ABCC1: variants seen among roughly 807,000 people sequenced by gnomAD.
ABCC1 encodes ATP binding cassette subfamily C member 1 (ABCC1 blood group), also known as multidrug resistance-associated protein 1.
Under a neutral mutation model 172.9 loss-of-function variants are expected in ABCC1, and 83 were observed. The observed-to-expected ratio is 0.48, with a 90% CI of 0.40 to 0.58. The LOEUF (loss-of-function observed/expected upper bound fraction) is 0.58. ABCC1 is among the 20% of genes least tolerant of loss of function. The pLI is 0.00. For missense variants in ABCC1, 1,817 were observed against 2,002.7 expected, an observed-to-expected ratio of 0.91 and a Z score of 1.77; for synonymous variants, 937 against 825.2, an observed-to-expected ratio of 1.14 and a Z score of -2.32.
intron 1 of ABCC1, among the ~76,000 whole-genome samples, chr16:15,981,275 C>G (rs1345667735): frequency 1.3e-5 from 2 of 152,224 alleles, no homozygotes; most frequent in African/African-American, 4.8e-5. Context: ...TCTCACAGCT[C>G]CACTAGGCAG....
chr16:16,114,933 G>T lies in ABCC1; in HGVS notation c.3247G>T (p.Val1083Leu). ...CCGCTTCTCCAAGGAGCTGGACACA[G>T]TGGACTCCATGATCCCGGAGGTCAT... ...VNRFSKELDT[V>L]DSMIPEVIKM... Residue 1083 changes from valine to leucine, a missense_variant, in exon 23 of 31, where the codon GTG (valine) becomes TTG (leucine). This residue lies in a region of ABCC1 where 1,412 missense variants were observed against 1,600.3 expected (regional missense o/e 0.88). Transcript: ENST00000399410. 1 of 1,614,126 alleles carries T rather than the reference G, an allele frequency of 6.2e-7. No individual in the cohort carries two copies. Among genetic ancestry groups the T allele is most frequent in the Non-Finnish European group, 8.5e-7 (1 of 1,180,010 alleles).
chr16:16,046,137 C>T, intron 9 of ABCC1, 124 bp downstream of exon 9: 8 of 1,068,962 alleles, frequency 7.5e-6, no homozygotes, highest in Non-Finnish European at 1.1e-5. Flanking sequence ...ATGAGGGTAG[C>T]TTCCGTGACC....
chr16:16,026,153 C>G (rs755100920), intron 5 of ABCC1, among the ~76,000 whole-genome samples: 1 of 152,004 alleles, frequency 6.6e-6, no homozygotes, highest in African/African-American at 2.4e-5. Context: ...GTTTCCAGGC[C>G]GGGTGCAGTG....
chr16:16,065,693 A>G (rs1468472604), intron 12 of ABCC1, among the ~76,000 whole-genome samples: 1 of 152,146 alleles, frequency 6.6e-6, no homozygotes, highest in African/African-American at 2.4e-5. Flanking sequence ...TTGGCCTCCC[A>G]ACATGCTGGG....
intron 18 of ABCC1, 93 bp downstream of exon 18, chr16:16,087,084 G>A (rs1181159225): frequency 2.2e-6 from 3 of 1,387,052 alleles, no homozygotes; most frequent in Non-Finnish European, 2.0e-6. Context: ...TACTTTCTCT[G>A]GCTTTCTTTG....
chr16:16,106,132 C>T (rs1473025802), intron 20 of ABCC1, among the ~76,000 whole-genome samples: 6 of 152,050 alleles, frequency 3.9e-5, no homozygotes, highest in Admixed American at 3.9e-4. Context: ...CCACCTCGGC[C>T]TCCCAAAGTG....
At chr16:15,973,952 T>C (rs972576124) in intron 1 of ABCC1, among the ~76,000 whole-genome samples, 1 of 152,076 alleles carries the variant, frequency 6.6e-6, no homozygotes, top group Non-Finnish European at 1.5e-5. Flanking sequence ...ACCACCGTAT[T>C]CCAGCTTGGG....
chr16:16,025,116 G>A (rs1453254092), intron 5 of ABCC1, among the ~76,000 whole-genome samples: 2 of 152,194 alleles, frequency 1.3e-5, no homozygotes, highest in East Asian at 3.8e-4. Context: ...ATTTTGCACA[G>A]TTGGTAAGCA....
intron 15 of ABCC1, among the ~76,000 whole-genome samples, chr16:16,076,624 T>A (rs2050584621): frequency 1.3e-5 from 2 of 152,304 alleles, no homozygotes; most frequent in South Asian, 4.1e-4. Context: ...TCCCTGGGAT[T>A]GTAAGTTACA....
Position 16,136,642 on chromosome 16 carries a change from CAGGT to C in ABCC1, c.4292+2_4292+5del. On this transcript the variant is annotated splice_donor_variant and coding_sequence_variant, in exon 29 of 31. Coordinates refer to ENST00000399410, the MANE Select transcript of ABCC1 (RefSeq NM_004996.4). LOFTEE classifies it high-confidence loss of function. ...AATGTGCAGAAGGCGGGGAGAACCTCAGGTAGGCGGGGGTGAACAAGGAGACACC... is the reference window on the plus strand; with the variant it reads ...AATGTGCAGAAGGCGGGGAGAACCTCAGGCGGGGGTGAACAAGGAGACACC... The C allele has an allele frequency of 6.2e-7, 1 of 1,613,932 alleles. No homozygotes were observed. Among genetic ancestry groups the C allele is most frequent in the Non-Finnish European group, 8.5e-7 (1 of 1,179,942 alleles).
At chr16:16,102,761 C>T (rs557324174) in intron 20 of ABCC1, 44 bp downstream of exon 20, 2 of 1,531,864 alleles carry the variant, frequency 1.3e-6, no homozygotes, top group South Asian at 1.2e-5. Flanking sequence ...CCCTGCCCTG[C>T]CAGTGGGAGG....
chr16:16,014,519 A>G lies in ABCC1; in HGVS notation c.380A>G (p.Glu127Gly), dbSNP rs1300664574. Residue 127 changes from glutamate to glycine, a missense_variant, in exon 4 of 31, where the codon GAG (glutamate) becomes GGG (glycine). Glu to Gly is a moderately conservative substitution (Grantham distance 98). This residue lies in a region of ABCC1 where 398 missense variants were observed against 384.2 expected (regional missense o/e 1.04). Coordinates refer to ENST00000399410, the MANE Select transcript of ABCC1 (RefSeq NM_004996.4). ...CTTGCTACCTTTTTAATTCAGCTGG[A>G]GAGGAGGAAGGGAGTTCAGTCTTCA... ...MLLATFLIQL[E>G]RRKGVQSSGI... The G allele has an allele frequency of 6.2e-7, 1 of 1,613,878 alleles. No individual in the cohort carries two copies. Among genetic ancestry groups the G allele is most frequent in the Non-Finnish European group, 8.5e-7 (1 of 1,179,998 alleles).
intron 1 of ABCC1, among the ~76,000 whole-genome samples, chr16:15,966,674 A>G (rs1309501150): frequency 2.0e-5 from 3 of 146,824 alleles, no homozygotes; most frequent in Non-Finnish European, 4.5e-5. Context: ...TTTTAGAGAC[A>G]GAGACTCACT....
At chr16:15,965,923 A>T (rs1016108668) in intron 1 of ABCC1, among the ~76,000 whole-genome samples, 1 of 152,136 alleles carries the variant, frequency 6.6e-6, no homozygotes. Flanking sequence ...ACTGTCCTGA[A>T]TACCACATGG....
intron 1 of ABCC1, among the ~76,000 whole-genome samples, chr16:15,979,554 T>A (rs979534044): frequency 6.6e-6 from 1 of 152,142 alleles, no homozygotes; most frequent in Non-Finnish European, 1.5e-5. Context: ...ACATACCATA[T>A]GATGCACCTA....
intron 18 of ABCC1, among the ~76,000 whole-genome samples, 157 bp from the exon 19 acceptor site, chr16:16,090,248 C>G (rs2051189155): frequency 6.6e-6 from 1 of 152,200 alleles, no homozygotes; most frequent in South Asian, 2.1e-4. Context: ...TTCAGCTGCT[C>G]CTGGATGCTG....
chr16:16,136,323 C>G (rs1194990770), intron 28 of ABCC1, among the ~76,000 whole-genome samples, 155 bp from the exon 29 acceptor site: 2 of 152,108 alleles, frequency 1.3e-5, no homozygotes, highest in African/African-American at 4.8e-5. Flanking sequence ...CGTACCTGGC[C>G]TTTTTCTCCA....
At chr16:15,988,933 G>A (rs929958827) in intron 1 of ABCC1, among the ~76,000 whole-genome samples, 2 of 151,836 alleles carry the variant, frequency 1.3e-5, no homozygotes, top group Non-Finnish European at 2.9e-5. Context: ...ACCAGGCTTG[G>A]TGGTGTGCAC....
At chr16:16,032,752 C>G (rs1359340426) in intron 5 of ABCC1, among the ~76,000 whole-genome samples, 1 of 152,160 alleles carries the variant, frequency 6.6e-6, no homozygotes, top group Admixed American at 6.5e-5. Flanking sequence ...TGTAGAATGC[C>G]TAGCACATAG....
Sources: allele counts gnomAD v4.1 joint callset (sites outside exome capture counted in the v4.1 genomes callset), GRCh38; gene constraint gnomAD v4.1.1; regional missense constraint gnomAD v4.1.1; transcripts MANE v1.5; gene names NCBI Gene and HGNC (gene_info 2026-07-23, HGNC 2026-07-21).